HOTAIR: variants seen among roughly 807,000 people sequenced by gnomAD.
The protein encoded by HOTAIR is HOX transcript antisense RNA, also known as HOX transcript antisense RNA (non-protein coding).
chr12:53,973,946 C>T lies in HOTAIR; in HGVS notation n.59+952G>A. The stretch of plus-strand genomic sequence containing the variant: ...CCAGTAGGTAGCAGCGGCCGGGGAA[C>T]GGGCGGGCAGCGAGGGAGGGAGCGA... On this transcript the variant is annotated intron_variant and non_coding_transcript_variant, in intron 1 of 6. Transcript: ENST00000424518. The surrounding 1 kb of genome is among the most constrained non-coding windows in gnomAD (Gnocchi z 4.3). 1 of 1,427,874 alleles carries T rather than the reference C, an allele frequency of 7.0e-7. No individual in the cohort carries two copies. The highest frequency in any genetic ancestry group is 9.2e-7 in the Non-Finnish European group (1 of 1,088,862). 88.5% of individuals were successfully genotyped at this position (1,427,874 alleles called of 1,614,324 possible).
intron 1 of HOTAIR, among the ~76,000 whole-genome samples, chr12:53,970,545 G>A (rs890263648): frequency 7.2e-5 from 11 of 151,990 alleles, no homozygotes; most frequent in Non-Finnish European, 1.3e-4. Flanking sequence ...GAAAAACTAA[G>A]CCATATCAAC....
intron 3 of HOTAIR, among the ~76,000 whole-genome samples, chr12:53,966,924 C>T (rs562617059): frequency 1.3e-5 from 2 of 152,234 alleles, no homozygotes; most frequent in African/African-American, 4.8e-5. Flanking sequence ...GGAAGGATCC[C>T]GAACTGAGAT....
exon 2 of HOTAIR, chr12:53,968,640 G>T (rs1939096013): frequency 1.3e-5 from 2 of 152,384 alleles, no homozygotes; most frequent in African/African-American, 4.8e-5. Flanking sequence ...CCTCACTGTG[G>T]AAGCTTTCGG....
At chr12:53,964,232 T>G (rs1939009264) in exon 6 of HOTAIR, 1 of 150,074 alleles carries the variant, frequency 6.7e-6, no homozygotes, top group Non-Finnish European at 1.5e-5. Flanking sequence ...ACAACAAACC[T>G]TGGGTGTAAT....
chr12:53,963,466 G>A (rs546974474), exon 7 of HOTAIR: 1 of 152,346 alleles, frequency 6.6e-6, no homozygotes, highest in Admixed American at 6.5e-5. Context: ...TTTGCCTATG[G>A]AAAAATTATT....
chr12:53,970,084 A>G (rs1939123457), intron 1 of HOTAIR, among the ~76,000 whole-genome samples: 1 of 152,272 alleles, frequency 6.6e-6, no homozygotes. Flanking sequence ...ACAGCTGCCC[A>G]GACCGCAGCC....
intron 3 of HOTAIR, among the ~76,000 whole-genome samples, chr12:53,967,023 G>A (rs1939067383): frequency 6.6e-6 from 1 of 152,212 alleles, no homozygotes; most frequent in Admixed American, 6.5e-5. Flanking sequence ...ATCTGCGGAG[G>A]ACTTACCTTT....
intron 1 of HOTAIR, among the ~76,000 whole-genome samples, chr12:53,969,401 C>T (rs1339932393): frequency 6.6e-6 from 1 of 152,186 alleles, no homozygotes. Context: ...ACTACCTCCT[C>T]CATAGGTCCC....
intron 2 of HOTAIR, chr12:53,968,515 G>A (rs993506341): frequency 2.0e-5 from 3 of 152,264 alleles, no homozygotes; most frequent in African/African-American, 7.2e-5. Flanking sequence ...GAAAACCACT[G>A]AGCCCGCCGA....
intron 3 of HOTAIR, among the ~76,000 whole-genome samples, chr12:53,967,036 C>T (rs1230184024): frequency 6.6e-6 from 1 of 152,180 alleles, no homozygotes; most frequent in African/African-American, 2.4e-5. Context: ...TTACCTTTTT[C>T]CTGGACCTCA....
At chr12:53,970,194 C>T (rs1351203045) in intron 1 of HOTAIR, among the ~76,000 whole-genome samples, 2 of 152,180 alleles carry the variant, frequency 1.3e-5, no homozygotes, top group African/African-American at 4.8e-5. Context: ...CAGGTGAAGG[C>T]CAGGACTCAA....
chr12:53,974,064 T>G (rs1443795818), intron 1 of HOTAIR: 1 of 638,372 alleles, frequency 1.6e-6, no homozygotes, highest in Non-Finnish European at 2.5e-6. Flanking sequence ...TTTATAAGCA[T>G]TCAAAGGATT....
At position 53,973,450 on chromosome 12, in the gene HOTAIR, T is replaced by C. The variant is rs757448481; in HGVS notation, n.59+1448A>G. ...CCCTACTCGGCCCAAGTGCCCCCGGTCCGGGAGGTCTCCTACGGCCTGGAG... is the reference window on the plus strand; with the variant it reads ...CCCTACTCGGCCCAAGTGCCCCCGGCCCGGGAGGTCTCCTACGGCCTGGAG... On this transcript the variant is annotated intron_variant and non_coding_transcript_variant, in intron 1 of 6. Transcript: ENST00000424518. The surrounding 1 kb of genome is among the most constrained non-coding windows in gnomAD (Gnocchi z 4.3). 8.1e-6 allele frequency: 13 copies of C among 1,613,830 alleles called. No individual in the cohort carries two copies. Among genetic ancestry groups the C allele is most frequent in the Non-Finnish European group, 1.1e-5 (13 of 1,179,982 alleles).
chr12:53,973,874 C>A lies in HOTAIR; in HGVS notation n.59+1024G>T, dbSNP rs775428321. The A allele has an allele frequency of 6.8e-7, 1 of 1,460,010 alleles. No homozygotes were observed. Among genetic ancestry groups the A allele is most frequent in the Non-Finnish European group, 9.0e-7 (1 of 1,106,826 alleles). 90.4% of individuals were successfully genotyped at this position (1,460,010 alleles called of 1,614,324 possible). ...AGGAGAACACAAATCCCAGCTCGTCCGGTTCAGCCCACTCCGTGGCCAAGG... is the reference window on the plus strand; with the variant it reads ...AGGAGAACACAAATCCCAGCTCGTCAGGTTCAGCCCACTCCGTGGCCAAGG... On this transcript the variant is annotated intron_variant and non_coding_transcript_variant, in intron 1 of 6. Coordinates refer to ENST00000424518, the Ensembl canonical transcript of HOTAIR. This position sits in a 1 kb window ranked among gnomAD's most constrained non-coding sequence, Gnocchi z 4.3.
At position 53,973,344 on chromosome 12, in the gene HOTAIR, C is replaced by T. The variant is rs1438048887; in HGVS notation, n.59+1554G>A. The T allele has an allele frequency of 3.1e-6, 5 of 1,612,968 alleles. No individual in the cohort carries two copies. The highest frequency in any genetic ancestry group is 4.2e-6 in the Non-Finnish European group (5 of 1,179,718). On this transcript the variant is annotated intron_variant and non_coding_transcript_variant, in intron 1 of 6. Transcript: ENST00000424518. The surrounding 1 kb of genome is among the most constrained non-coding windows in gnomAD (Gnocchi z 4.3). ...GAGCTGCGCCTCCAACCTCTATCTG[C>T]CCAGTTGCACTTACTACATGCCCGA...
intron 1 of HOTAIR, chr12:53,974,058 T>G (rs1389086043): frequency 1.6e-6 from 1 of 613,826 alleles, no homozygotes; most frequent in African/African-American, 2.0e-5. Flanking sequence ...TGGAGTTTTA[T>G]AAGCATTCAA....
At position 53,973,311 on chromosome 12, in the gene HOTAIR, G is replaced by T. The variant is rs755493064; in HGVS notation, n.59+1587C>A. 8.4e-5 allele frequency: 135 copies of T among 1,613,860 alleles called. No homozygotes were observed. The highest frequency in any genetic ancestry group is 1.1e-4 in the Non-Finnish European group (131 of 1,180,016). The stretch of plus-strand genomic sequence containing the variant: ...CAAGGAGAGGGGCGCAGATTTCGGC[G>T]AGCGAGGGAGCTGCGCCTCCAACCT... On this transcript the variant is annotated intron_variant and non_coding_transcript_variant, in intron 1 of 6. Transcript: ENST00000424518. The surrounding 1 kb of genome is among the most constrained non-coding windows in gnomAD (Gnocchi z 4.3).
chr12:53,974,312 G>A (rs1349697994), intron 1 of HOTAIR, among the ~76,000 whole-genome samples: 1 of 151,764 alleles, frequency 6.6e-6, no homozygotes, highest in Non-Finnish European at 1.5e-5. Context: ...GGAGTGGGGA[G>A]GAGGGGAGGG....
rs1337490278 is a variant in HOTAIR, at chr12:53,973,200, G to C, written n.59+1698C>G. On this transcript the variant is annotated intron_variant and non_coding_transcript_variant, in intron 1 of 6. Coordinates refer to ENST00000424518, the Ensembl canonical transcript of HOTAIR. This position sits in a 1 kb window ranked among gnomAD's most constrained non-coding sequence, Gnocchi z 4.3. ...CCAAATTTTCCCCCCTCGCTAGACCGGGTCCAAAACCTCCATCCGGAGCCG... is the reference window on the plus strand; with the variant it reads ...CCAAATTTTCCCCCCTCGCTAGACCCGGTCCAAAACCTCCATCCGGAGCCG... 6.7e-7 allele frequency: 1 copy of C among 1,496,060 alleles called. No homozygotes were observed. The highest frequency in any genetic ancestry group is 8.9e-7 in the Non-Finnish European group (1 of 1,121,224). The allele number at this position is 1,496,060 out of a possible 1,614,324, so 92.7% of individuals were successfully genotyped here.
Sources: gnomAD v4.1 joint callset for allele counts (sites outside exome capture counted in the v4.1 genomes callset) on GRCh38, gnomAD v4.1.1 for gene constraint, Gnocchi (gnomAD v3.1) non-coding constraint, MANE v1.5 for transcripts, NCBI Gene and HGNC (gene_info 2026-07-23, HGNC 2026-07-21) for gene names.